Variants in LMNB2 observed in about 807,000 individuals in gnomAD.
LMNB2 encodes lamin B2, also known as lamin-B2.
Under a neutral mutation model 69.3 loss-of-function variants are expected in LMNB2, and 17 were observed. That is an observed-to-expected ratio of 0.25 (90% confidence interval 0.17 to 0.37). The LOEUF is 0.37. LMNB2 is among the 10% of genes least tolerant of loss of function. LMNB2 has a pLI of 1.00. For missense variants in LMNB2, 789 were observed against 883.6 expected (o/e 0.89, Z 1.36); for synonymous variants, 397 against 389.3 (o/e 1.02, Z -0.23).
intron 1 of LMNB2, among the ~76,000 whole-genome samples, chr19:2,444,764 G>C (rs62119872): frequency 6.6e-6 from 1 of 152,122 alleles, no homozygotes; most frequent in Non-Finnish European, 1.5e-5. Flanking sequence ...GAAGCCAGGC[G>C]ACCCTGGGTC....
Position 2,444,458 on chromosome 19 carries a change from C to A in LMNB2, c.347G>T (p.Arg116Leu). The A allele has an allele frequency of 2.5e-6, 4 of 1,613,716 alleles. No individual in the cohort carries two copies. Among genetic ancestry groups the A allele is most frequent in the Non-Finnish European group, 3.4e-6 (4 of 1,180,024 alleles). Residue 116 changes from arginine to leucine, a missense_variant, in exon 2 of 12, where the codon CGG becomes CTG. By Grantham distance (102) the Arg-to-Leu change is moderately radical. Around this residue, in one of 3 missense-constraint regions of LMNB2, gnomAD observed 145 missense variants for 228.9 expected, o/e 0.63. Coordinates refer to ENST00000325327, the MANE Select transcript of LMNB2 (RefSeq NM_032737.4). ...CAGCTTCCCAATCTCTATCTGCAGC[C>A]GGGCACGCTCTCGAGCCGTCTCATC... ...VLDETARERARLQIEIGKLRA... is the reference protein window; with the variant it reads ...VLDETARERALLQIEIGKLRA...
chr19:2,449,227 C>A (rs1238176955), intron 1 of LMNB2, among the ~76,000 whole-genome samples: 2 of 152,196 alleles, frequency 1.3e-5, no homozygotes, highest in Admixed American at 6.5e-5. Context: ...CACATACTTA[C>A]CATTGTGTAA....
chr19:2,450,072 C>G (rs1479922924), intron 1 of LMNB2, among the ~76,000 whole-genome samples: 1 of 137,204 alleles, frequency 7.3e-6, no homozygotes, highest in Non-Finnish European at 1.5e-5. Flanking sequence ...GAAACTCCGT[C>G]TCAAAAAAAA....
chr19:2,437,580 C>T (rs1169450829), intron 4 of LMNB2, among the ~76,000 whole-genome samples: 1 of 152,162 alleles, frequency 6.6e-6, no homozygotes, highest in Non-Finnish European at 1.5e-5. Flanking sequence ...GCGGATGAAG[C>T]ACCTGAGGTC....
In LMNB2 at chr19:2,428,235, T is replaced by C. The variant is rs893964935; in HGVS notation, c.*2676A>G. 2.7e-5 allele frequency: 4 copies of C among 147,880 alleles called. No individual in the cohort carries two copies. Among genetic ancestry groups the C allele is most frequent in the African/African-American group, 1.0e-4 (4 of 38,966 alleles). The allele number at this position is 147,880 out of a possible 1,614,324, so 9.2% of individuals were successfully genotyped here. ...GTCATAAAATGTATATTACAAATCA[T>C]TGGAAAAAAAAAAGAACACATTAGG... On this transcript the variant is annotated 3_prime_UTR_variant, in exon 12 of 12. Transcript: ENST00000325327.
In LMNB2 at chr19:2,434,929, C is replaced by T. The variant is rs752841161; in HGVS notation, c.856-16G>A. 2.3e-5 allele frequency: 36 copies of T among 1,593,998 alleles called. No individual in the cohort carries two copies. The highest frequency in any genetic ancestry group is 4.5e-5 in the East Asian group (2 of 44,432). ...CGCTGTCCAGCTGTGGGGAGACGGG[C>T]GGGTGAGTGCGGGCGCGGGGCGGGG... On this transcript the variant is annotated splice_polypyrimidine_tract_variant and intron_variant, in intron 5 of 11. Transcript: ENST00000325327.
rs1971919209 is a variant in LMNB2, at chr19:2,443,434, C to T, written c.401+970G>A. Among the ~76,000 whole-genome samples, 1 of 152,230 alleles carries T rather than the reference C, an allele frequency of 6.6e-6. No individual in the cohort carries two copies. The highest frequency in any genetic ancestry group is 1.5e-5 in the Non-Finnish European group (1 of 68,042). On this transcript the variant is annotated intron_variant, in intron 2 of 11. Coordinates refer to ENST00000325327, the MANE Select transcript of LMNB2 (RefSeq NM_032737.4). The surrounding 1 kb of genome is among the most constrained non-coding windows in gnomAD (Gnocchi z 6.2). ...GGTCATTCCTCTGGCCACACTCCAACTCAGGGACAACGTGGATTCTCAAGC... is the reference window on the plus strand; with the variant it reads ...GGTCATTCCTCTGGCCACACTCCAATTCAGGGACAACGTGGATTCTCAAGC...
chr19:2,437,330 C>T (rs1352253367), intron 4 of LMNB2, among the ~76,000 whole-genome samples: 2 of 152,254 alleles, frequency 1.3e-5, no homozygotes, highest in Non-Finnish European at 1.5e-5. Flanking sequence ...GCCTCACCCT[C>T]GCTTTGGACA....
chr19:2,432,003 G>T (rs922035705), intron 9 of LMNB2, 101 bp from the exon 10 acceptor site: 3 of 1,442,902 alleles, frequency 2.1e-6, no homozygotes, highest in Admixed American at 2.0e-5. Flanking sequence ...AATGCCCTGG[G>T]CGTTCAGTCC....
chr19:2,454,652 A>C (rs962089953), intron 1 of LMNB2, among the ~76,000 whole-genome samples: 10 of 152,128 alleles, frequency 6.6e-5, no homozygotes, highest in Admixed American at 4.6e-4. Flanking sequence ...CAGATGGGCG[A>C]GTGGGGACTG....
intron 4 of LMNB2, 113 bp from the exon 5 acceptor site, chr19:2,435,284 G>T: frequency 7.0e-7 from 1 of 1,434,714 alleles, no homozygotes; most frequent in Non-Finnish European, 9.5e-7. Flanking sequence ...CTGGTTCCTT[G>T]TGCACAAGTT....
In LMNB2 at chr19:2,433,961, T is replaced by A. The variant is rs1455237682; in HGVS notation, c.1347A>T (p.Pro449=). 6.2e-7 allele frequency: 1 copy of A among 1,611,420 alleles called. No individual in the cohort carries two copies. The highest frequency in any genetic ancestry group is 2.2e-5 in the East Asian group (1 of 44,868). ...LEVEEPLGSG[P]SVLGTGTGGS... is the part of the protein sequence containing the mutation. The stretch of plus-strand genomic sequence containing the variant: ...CACCCGTGCCCGTGCCCAGGACGCT[T>A]GGGCCGCTGCCCAAGGGCTCCTCCA... Residue 449 remains proline, a synonymous_variant, in exon 8 of 12, where the codon CCA becomes CCT. Coordinates refer to ENST00000325327, the MANE Select transcript of LMNB2 (RefSeq NM_032737.4).
chr19:2,444,658 G>T, intron 1 of LMNB2, 118 bp from the exon 2 acceptor site: 1 of 1,342,046 alleles, frequency 7.5e-7, no homozygotes, highest in Non-Finnish European at 1.1e-6. Context: ...CAGAGAGAGA[G>T]GATGGCAGCC....
chr19:2,452,872 G>A (rs115980376), intron 1 of LMNB2, among the ~76,000 whole-genome samples: 4,552 of 151,996 alleles, frequency 0.03, 252 homozygotes, highest in African/African-American at 0.1. Context: ...TCTCATGGGG[G>A]CCGTGTTACC....
rs756552926 is a variant in LMNB2, at chr19:2,430,889, TGTGTGGATGAGGA to T, written c.*9_*21del. ...TTCAGTGGCTCTGGGTAAAGAAAGG[TGTGTGGATGAGGA>T]GTGTGGGTTCACATCACGTAGCAGC... is the stretch of plus-strand genomic sequence containing the variant. On this transcript the variant is annotated 3_prime_UTR_variant, in exon 12 of 12. Coordinates refer to ENST00000325327, the MANE Select transcript of LMNB2 (RefSeq NM_032737.4). 77 of 1,484,524 alleles carry T rather than the reference TGTGTGGATGAGGA, an allele frequency of 5.2e-5. 1 individual carries two copies. The South Asian group carries it at 8.4e-4, about 16-fold the overall frequency. The allele number at this position is 1,484,524 out of a possible 1,614,324, so 92.0% of individuals were successfully genotyped here. A position where few individuals can be genotyped will look rare whatever the true frequency, so the allele number is the denominator to read the frequency against.
rs1264690274 is a variant in LMNB2 at position 2,456,867 on chromosome 19, T to A, written c.67A>T (p.Thr23Ser). The change falls in exon 1 of 12, where the codon ACG (threonine) becomes TCG (serine). Residue 23 changes from threonine (T) to serine (S), a missense_variant. By Grantham distance (58) the Thr-to-Ser change is moderately conservative (BLOSUM62 1). Around this residue, in one of 3 missense-constraint regions of LMNB2, gnomAD observed 145 missense variants for 228.9 expected, o/e 0.63. Transcript: ENST00000325327. ...CCGCCCGCGCGGCCGGGCAGCGGCGTGGCCATGGTGGCGGCGGCTCGCGGC... is the reference window on the plus strand; with the variant it reads ...CCGCCCGCGCGGCCGGGCAGCGGCGAGGCCATGGTGGCGGCGGCTCGCGGC... ...RRPRAAATMA[T>S]PLPGRAGGPA... is the part of the protein sequence containing the mutation. 8.7e-7 allele frequency: 1 copy of A among 1,149,730 alleles called. No individual in the cohort carries two copies. The highest frequency in any genetic ancestry group is 1.1e-6 in the Non-Finnish European group (1 of 937,052). 71.2% of individuals were successfully genotyped at this position (1,149,730 alleles called of 1,614,324 possible).
chr19:2,442,117 C>T (rs1257150860), intron 2 of LMNB2, among the ~76,000 whole-genome samples: 2 of 152,158 alleles, frequency 1.3e-5, no homozygotes, highest in Non-Finnish European at 2.9e-5. Flanking sequence ...ACGCTGCTCC[C>T]AGTGTTTCTC....
intron 1 of LMNB2, among the ~76,000 whole-genome samples, chr19:2,456,053 AC>A (rs1274367622): frequency 7.1e-6 from 1 of 141,696 alleles, no homozygotes; most frequent in East Asian, 2.1e-4. Flanking sequence ...CCCCCCGCAA[AC>A]CCCCTGGAGA....
chr19:2,448,039 T>A (rs1971977833), intron 1 of LMNB2, among the ~76,000 whole-genome samples: 1 of 152,158 alleles, frequency 6.6e-6, no homozygotes, highest in Non-Finnish European at 1.5e-5. Flanking sequence ...CGGGGACCAA[T>A]TGTAGGACGG....
Sources: gnomAD v4.1 joint callset for allele counts (sites outside exome capture counted in the v4.1 genomes callset) on GRCh38, gnomAD v4.1.1 for gene constraint, gnomAD v4.1.1 regional missense constraint, Gnocchi (gnomAD v3.1) non-coding constraint, MANE v1.5 for transcripts, NCBI Gene and HGNC (gene_info 2026-07-23, HGNC 2026-07-21) for gene names.